The following ULK4 variants were observed in gnomAD, a reference collection of about 807,000 sequenced individuals.
ULK4 encodes unc-51 like kinase 4, also known as inactive serine/threonine-protein kinase ULK4.
A neutral mutation model predicts 160.6 loss-of-function variants in ULK4; 133 were observed. The ratio of observed to expected loss-of-function variants is 0.83; its 90% CI spans 0.72 to 0.96. The LOEUF (loss-of-function observed/expected upper bound fraction) is 0.96. ULK4 is among the 40% of genes least tolerant of loss of function. ULK4 has a pLI of 0.00. For missense variants in ULK4, 1,580 were observed against 1,499.5 expected (o/e 1.05, Z -0.89); for synonymous variants, 534 against 539.8 (o/e 0.99, Z 0.15).
intron 34 of ULK4, among the ~76,000 whole-genome samples, chr3:41,446,237 A>C (rs1481546444): frequency 6.6e-6 from 1 of 152,206 alleles, no homozygotes; most frequent in Non-Finnish European, 1.5e-5. Context: ...CAGGTGCCGA[A>C]GAGGATGTGG....
At chr3:41,527,167 T>C (rs1691951) in intron 32 of ULK4, among the ~76,000 whole-genome samples, 142,124 of 152,280 alleles carry the variant, frequency 0.93, 66,706 homozygotes, top group African/African-American at 0.97. Flanking sequence ...GTAACATGTG[T>C]ACAGCTTTGC....
intron 21 of ULK4, among the ~76,000 whole-genome samples, chr3:41,772,694 G>C (rs2039438222): frequency 1.3e-5 from 2 of 152,148 alleles, no homozygotes; most frequent in South Asian, 4.1e-4. Context: ...AATAGAAAAA[G>C]AGGGAATCCT....
chr3:41,283,177 C>G (rs1041238567), intron 35 of ULK4, among the ~76,000 whole-genome samples: 1 of 152,104 alleles, frequency 6.6e-6, no homozygotes, highest in Non-Finnish European at 1.5e-5. Flanking sequence ...TGGAGAAATA[C>G]GAATGCTTTT....
At chr3:41,789,502 T>C (rs1179473993) in intron 21 of ULK4, among the ~76,000 whole-genome samples, 159 bp downstream of exon 21, 1 of 152,208 alleles carries the variant, frequency 6.6e-6, no homozygotes, top group Non-Finnish European at 1.5e-5. Context: ...TTGGAACATG[T>C]TCAGATGAAC....
intron 34 of ULK4, among the ~76,000 whole-genome samples, chr3:41,437,524 A>C (rs536244715): frequency 1.7e-4 from 26 of 152,294 alleles, no homozygotes; most frequent in African/African-American, 5.3e-4. Context: ...TTTGTGTCTT[A>C]CACACTATAC....
chr3:41,590,748 G>A lies in ULK4; in HGVS notation c.3121-24618C>T, dbSNP rs1488839964. On this transcript the variant is annotated intron_variant, in intron 31 of 36. Coordinates refer to ENST00000301831, the MANE Select transcript of ULK4 (RefSeq NM_017886.4). Reference sequence around the variant, plus strand: ...AAAGGCCAGTGAACTTGAAGACCTCGCAATACAGTATATCCAAAACTAGGT... The same window carrying A: ...AAAGGCCAGTGAACTTGAAGACCTCACAATACAGTATATCCAAAACTAGGT... 2.7e-5 allele frequency among the ~76,000 whole-genome samples: 4 copies of A among 149,718 alleles called. 1 individual carries two copies. The highest frequency in any genetic ancestry group is 6.8e-3 in the Middle Eastern group (2 of 294).
chr3:41,313,730 T>C (rs1224420540), intron 35 of ULK4, among the ~76,000 whole-genome samples: 1 of 152,208 alleles, frequency 6.6e-6, no homozygotes, highest in Non-Finnish European at 1.5e-5. Flanking sequence ...TTCAGTTCTA[T>C]AGTGGTTTTA....
At chr3:41,281,191 A>T (rs1466861401) in intron 35 of ULK4, among the ~76,000 whole-genome samples, 1 of 152,240 alleles carries the variant, frequency 6.6e-6, no homozygotes, top group African/African-American at 2.4e-5. Flanking sequence ...GTCCAGGACC[A>T]GACGGATTCA....
intron 32 of ULK4, among the ~76,000 whole-genome samples, chr3:41,508,913 G>A (rs1455606936): frequency 6.6e-6 from 1 of 151,994 alleles, no homozygotes; most frequent in African/African-American, 2.4e-5. Context: ...ACAAAACAAG[G>A]TAGATTAACA....
At chr3:41,872,525 A>G (rs1157589434) in intron 17 of ULK4, among the ~76,000 whole-genome samples, 1 of 152,122 alleles carries the variant, frequency 6.6e-6, no homozygotes, top group Non-Finnish European at 1.5e-5. Flanking sequence ...GTGTGAACTT[A>G]GCACATCTGC....
At chr3:41,585,882 A>T (rs1001474658) in intron 31 of ULK4, among the ~76,000 whole-genome samples, 1 of 152,316 alleles carries the variant, frequency 6.6e-6, no homozygotes, top group South Asian at 2.1e-4. Flanking sequence ...GATGAAATAC[A>T]AATTGCCAAC....
At chr3:41,884,082 T>C (rs371663806) in intron 16 of ULK4, 130 bp from the exon 17 acceptor site, 5 of 696,436 alleles carry the variant, frequency 7.2e-6, no homozygotes, top group Admixed American at 7.0e-5. Flanking sequence ...ATGTGACAGG[T>C]CAGGCCCACA....
chr3:41,946,073 T>A (rs1700104567), intron 2 of ULK4, among the ~76,000 whole-genome samples: 1 of 152,168 alleles, frequency 6.6e-6, no homozygotes, highest in Non-Finnish European at 1.5e-5. Flanking sequence ...CTGCTCATGT[T>A]ATTTCTTGAT....
At chr3:41,484,969 T>G (rs1342544250) in intron 32 of ULK4, among the ~76,000 whole-genome samples, 1 of 152,162 alleles carries the variant, frequency 6.6e-6, no homozygotes, top group Non-Finnish European at 1.5e-5. Flanking sequence ...TATAAGTCAA[T>G]ATTCTAAAGC....
chr3:41,271,958 C>T (rs796694086), intron 35 of ULK4, among the ~76,000 whole-genome samples: 8 of 152,158 alleles, frequency 5.3e-5, no homozygotes, highest in African/African-American at 1.9e-4. Flanking sequence ...CCTTTGTCAC[C>T]CAGGCTGGAG....
intron 35 of ULK4, among the ~76,000 whole-genome samples, chr3:41,337,749 C>T (rs1440298540): frequency 6.6e-6 from 1 of 152,212 alleles, no homozygotes; most frequent in Non-Finnish European, 1.5e-5. Context: ...GCCTCAACCA[C>T]AGACAGAAAA....
At chr3:41,668,503 C>G (rs908017758) in intron 29 of ULK4, among the ~76,000 whole-genome samples, 4 of 152,092 alleles carry the variant, frequency 2.6e-5, no homozygotes, top group African/African-American at 9.7e-5. Flanking sequence ...AGGTTTGCAG[C>G]CTGGGAGCAA....
intron 29 of ULK4, among the ~76,000 whole-genome samples, chr3:41,677,038 C>G (rs2035745403): frequency 6.6e-6 from 1 of 150,600 alleles, no homozygotes; most frequent in African/African-American, 2.5e-5. Context: ...TACTGAGTAG[C>G]TGGGACTACA....
At position 41,703,873 on chromosome 3, in the gene ULK4, C is replaced by CACACAA. The variant is rs1449517903; in HGVS notation, c.2781+1183_2781+1184insTTGTGT. ...ACACACACACACACACACACACACA[C>CACACAA]ACAAGTTAACTGTGTTTGAAGGGTG... On this transcript the variant is annotated intron_variant, in intron 27 of 36. Coordinates refer to ENST00000301831, the MANE Select transcript of ULK4 (RefSeq NM_017886.4). Among the ~76,000 whole-genome samples, 290 of 130,588 alleles carry CACACAA rather than the reference C, an allele frequency of 2.2e-3. 5 individuals are homozygous for CACACAA. Among genetic ancestry groups the CACACAA allele is most frequent in the African/African-American group, 9.7e-3 (269 of 27,832 alleles). 85.7% of individuals were successfully genotyped at this position (130,588 alleles called of 152,430 possible).
Sources: allele counts gnomAD v4.1 joint callset (sites outside exome capture counted in the v4.1 genomes callset), GRCh38; gene constraint gnomAD v4.1.1; transcripts MANE v1.5; gene names NCBI Gene and HGNC (gene_info 2026-07-23, HGNC 2026-07-21).